The following VPS35 variants were observed in gnomAD, a reference collection of about 807,000 sequenced individuals.
The protein encoded by VPS35 is vacuolar protein sorting-associated protein 35.
VPS35 carries 21 observed loss-of-function variants against 98.1 expected under a neutral mutation model. The observed-to-expected ratio is 0.21, with a 90% confidence interval of 0.15 to 0.31. The LOEUF is 0.31. Among genes scored for constraint, VPS35 ranks in the 10% least tolerant of loss-of-function variants. The pLI is 1.00. For synonymous variants in VPS35, 268 were observed against 318.2 expected, an observed-to-expected ratio of 0.84 and a Z score of 1.68; for missense variants, 554 against 950.8, an observed-to-expected ratio of 0.58 and a Z score of 5.49.
chr16:46,663,215 C>A, intron 13 of VPS35, 53 bp from the exon 14 acceptor site: 1 of 1,505,908 alleles, frequency 6.6e-7, no homozygotes, highest in South Asian at 1.2e-5. Context: ...TTAACTTGTT[C>A]CAGGATATCC....
At chr16:46,685,787 G>A (rs1453097206) in intron 1 of VPS35, among the ~76,000 whole-genome samples, 1 of 152,086 alleles carries the variant, frequency 6.6e-6, no homozygotes, top group Non-Finnish European at 1.5e-5. Flanking sequence ...TTGAATCAAT[G>A]GATTTCATTA....
At position 46,658,221 on chromosome 16, in the gene VPS35, T is replaced by C. The variant is rs1274567725; in HGVS notation, c.*2251A>G. ...GGACTTGATGTTCCATGAGAATTCATACAACCCTCTGCAGAACTTCCCCAT... is the reference window on the plus strand; with the variant it reads ...GGACTTGATGTTCCATGAGAATTCACACAACCCTCTGCAGAACTTCCCCAT... On this transcript the variant is annotated 3_prime_UTR_variant, in exon 17 of 17. Coordinates refer to ENST00000299138, the MANE Select transcript of VPS35 (RefSeq NM_018206.6). 6.5e-6 allele frequency: 1 copy of C among 153,486 alleles called. No individual in the cohort carries two copies. Among genetic ancestry groups the C allele is most frequent in the Non-Finnish European group, 1.5e-5 (1 of 68,060 alleles). The allele number at this position is 153,486 out of a possible 1,614,324, so 9.5% of individuals were successfully genotyped here.
chr16:46,678,853 G>T, intron 6 of VPS35, 90 bp downstream of exon 6: 1 of 1,337,118 alleles, frequency 7.5e-7, no homozygotes, highest in East Asian at 2.3e-5. Context: ...GTTTTTCAAT[G>T]TACTATTGTA....
chr16:46,681,710 C>T (rs978041937), intron 3 of VPS35: 10 of 592,682 alleles, frequency 1.7e-5, no homozygotes, highest in Admixed American at 1.5e-4. Flanking sequence ...GCAGTAAATA[C>T]AATGGTTACC....
At position 46,665,308 on chromosome 16, in the gene VPS35, G is replaced by A. The variant is rs534949039; in HGVS notation, c.1648-2146C>T. On this transcript the variant is annotated intron_variant, in intron 13 of 16. Transcript: ENST00000299138. ...GTTCTTTTCATTTTTAAAAGATGGC[G>A]ACAGGCTGGGCATGGTGGCTCATGC... Among the ~76,000 whole-genome samples, 6 of 152,162 alleles carry A rather than the reference G, an allele frequency of 3.9e-5. No individual in the cohort carries two copies. In the East Asian group the frequency reaches 5.8e-4, roughly 15 times the overall value.
At chr16:46,686,469 G>A (rs1037682410) in intron 1 of VPS35, among the ~76,000 whole-genome samples, 2 of 152,132 alleles carry the variant, frequency 1.3e-5, no homozygotes, top group Non-Finnish European at 2.9e-5. Context: ...CTTCTATTTT[G>A]TCTCAACTCA....
At chr16:46,671,290 A>G (rs1172307937) in intron 12 of VPS35, among the ~76,000 whole-genome samples, 1 of 152,262 alleles carries the variant, frequency 6.6e-6, no homozygotes, top group Admixed American at 6.5e-5. Context: ...TATAAGCAAT[A>G]CATAGTTCAG....
chr16:46,676,441 C>A, intron 8 of VPS35, 142 bp downstream of exon 8: 1 of 685,382 alleles, frequency 1.5e-6, no homozygotes. Context: ...CTCATACTCA[C>A]AAAGCTAAAT....
At position 46,657,580 on chromosome 16, in the gene VPS35, CCT is replaced by C. The variant is rs1328289525; in HGVS notation, c.*2890_*2891del. 6.6e-6 allele frequency: 1 copy of C among 152,154 alleles called. No individual in the cohort carries two copies. The highest frequency in any genetic ancestry group is 2.4e-5 in the African/African-American group (1 of 41,418). 9.4% of individuals were successfully genotyped at this position (152,154 alleles called of 1,614,324 possible). ...CTCTGGTGCCTGATCAACTCAAACG[CCT>C]CTCTCTTTGAGCAGTGTCTATCAGC... On this transcript the variant is annotated 3_prime_UTR_variant, in exon 17 of 17. Transcript: ENST00000299138.
At chr16:46,676,029 C>A (rs570655077) in intron 8 of VPS35, among the ~76,000 whole-genome samples, 1 of 121,564 alleles carries the variant, frequency 8.2e-6, no homozygotes, top group South Asian at 2.9e-4. Context: ...AGCGTCACTG[C>A]ACTCTAGCTT....
chr16:46,662,222 T>TGCAGTCAG (rs1965923819), intron 15 of VPS35, 21 bp downstream of exon 15: 1 of 1,613,978 alleles, frequency 6.2e-7, no homozygotes, highest in African/African-American at 1.3e-5. Context: ...TCTGCTATCA[T>TGCAGTCAG]GCAGTCAGGA....
chr16:46,684,888 TAAAC>T (rs1372450515), intron 1 of VPS35, among the ~76,000 whole-genome samples: 3 of 152,144 alleles, frequency 2.0e-5, no homozygotes, highest in Non-Finnish European at 2.9e-5. Flanking sequence ...TATTGCTACA[TAAAC>T]AAACCTAGAA....
chr16:46,681,125 T>C (rs373022963), intron 4 of VPS35, among the ~76,000 whole-genome samples: 4 of 151,914 alleles, frequency 2.6e-5, no homozygotes, highest in African/African-American at 9.7e-5. Context: ...ATTATATTAA[T>C]TTTTCTAATA....
intron 12 of VPS35, among the ~76,000 whole-genome samples, chr16:46,671,064 T>G (rs886862849): frequency 2.6e-5 from 4 of 151,968 alleles, no homozygotes; most frequent in African/African-American, 9.7e-5. Flanking sequence ...GTTTTATCCA[T>G]TTCACAATGA....
intron 1 of VPS35, chr16:46,688,891 G>C (rs1966371391): frequency 6.9e-7 from 1 of 1,447,894 alleles, no homozygotes; most frequent in Middle Eastern, 2.5e-4. Flanking sequence ...CAACCCCACA[G>C]AGAGGCCGCC....
At chr16:46,664,253 G>A (rs925464801) in intron 13 of VPS35, among the ~76,000 whole-genome samples, 1 of 151,856 alleles carries the variant, frequency 6.6e-6, no homozygotes. Flanking sequence ...CTGCCTCTTG[G>A]GTTCAAACCA....
In VPS35 at chr16:46,658,022, A is replaced by C. The variant is rs1436598848; in HGVS notation, c.*2450T>G. The C allele has an allele frequency of 1.3e-5, 2 of 152,214 alleles. No homozygotes were observed. The highest frequency in any genetic ancestry group is 2.9e-5 in the Non-Finnish European group (2 of 68,044). The allele number at this position is 152,214 out of a possible 1,614,324, so 9.4% of individuals were successfully genotyped here. A position where few individuals can be genotyped will look rare whatever the true frequency, so the allele number is the denominator to read the frequency against. On this transcript the variant is annotated 3_prime_UTR_variant, in exon 17 of 17. Coordinates refer to ENST00000299138, the MANE Select transcript of VPS35 (RefSeq NM_018206.6). ...CAAAGCCAAATATTTATTACATCCA[A>C]TAGACATAAAATTACTCTGTCAAAT...
intron 13 of VPS35, 46 bp downstream of exon 13, chr16:46,668,884 G>A (rs1005758918): frequency 1.2e-6 from 2 of 1,610,722 alleles, no homozygotes; most frequent in African/African-American, 2.7e-5. Context: ...CACTCAGAGT[G>A]ATGAAAGAGG....
At chr16:46,677,018 G>T (rs1346726586) in intron 7 of VPS35, among the ~76,000 whole-genome samples, 2 of 151,344 alleles carry the variant, frequency 1.3e-5, no homozygotes, top group Admixed American at 1.3e-4. Context: ...ATTATTTTTA[G>T]AAGAAGCAAG....
Sources: gnomAD v4.1 joint callset for allele counts (sites outside exome capture counted in the v4.1 genomes callset) on GRCh38, gnomAD v4.1.1 for gene constraint, MANE v1.5 for transcripts, NCBI Gene and HGNC (gene_info 2026-07-23, HGNC 2026-07-21) for gene names.